Variants in ATF7IP2 observed in about 807,000 individuals in gnomAD.
The protein encoded by ATF7IP2 is activating transcription factor 7 interacting protein 2.
In ATF7IP2, 42 loss-of-function variants were observed where a neutral mutation model predicts 64.2. The ratio of observed to expected loss-of-function variants is 0.65; its 90% CI spans 0.51 to 0.85. The LOEUF (loss-of-function observed/expected upper bound fraction) is 0.85. Among genes scored for constraint, ATF7IP2 ranks in the 40% least tolerant of loss-of-function variants. The pLI is 0.00. For missense variants in ATF7IP2, 933 were observed against 784.2 expected (o/e 1.19, Z -2.27); for synonymous variants, 308 against 272.8 (o/e 1.13, Z -1.27).
intron 1 of ATF7IP2, among the ~76,000 whole-genome samples, chr16:10,400,497 G>T (rs1428396356): frequency 1.3e-5 from 2 of 152,160 alleles, no homozygotes; most frequent in African/African-American, 4.8e-5. Flanking sequence ...TTGCTTGATT[G>T]CTGTGGCCTC....
At chr16:10,398,644 A>C (rs2047467191) in intron 1 of ATF7IP2, among the ~76,000 whole-genome samples, 1 of 152,190 alleles carries the variant, frequency 6.6e-6, no homozygotes, top group Non-Finnish European at 1.5e-5. Context: ...ACATGAATAA[A>C]CCTGAACATT....
At chr16:10,424,187 C>T (rs1041800247) in intron 3 of ATF7IP2, among the ~76,000 whole-genome samples, 11 of 152,308 alleles carry the variant, frequency 7.2e-5, no homozygotes, top group Admixed American at 2.0e-4. Context: ...CCTGGGTGGG[C>T]GAGGTGTTCC....
At chr16:10,474,298 T>C (rs1016112793) in intron 12 of ATF7IP2, among the ~76,000 whole-genome samples, 18 of 151,792 alleles carry the variant, frequency 1.2e-4, no homozygotes, top group Admixed American at 3.3e-4. Flanking sequence ...CCTTCGGAGA[T>C]TGACTTCTTC....
chr16:10,459,430 T>C (rs2049296491), intron 9 of ATF7IP2, among the ~76,000 whole-genome samples: 1 of 149,234 alleles, frequency 6.7e-6, no homozygotes, highest in South Asian at 2.1e-4. Flanking sequence ...ATCACACCAC[T>C]GTGCTCCAGC....
chr16:10,431,432 C>A lies in ATF7IP2; in HGVS notation c.812C>A (p.Ser271Ter). ...NCESADSTWQ[S>*]SLDTNNNSHY... ...GAAAGTGCAGACTCAACATGGCAGT[C>A]ATCACTTGACACTAATAACAACAGT... The change falls in exon 5 of 14, where the codon TCA becomes TAA. Residue 271 changes from serine (S) to a stop codon, truncating the protein, a stop_gained. Coordinates refer to ENST00000562102, the MANE Select transcript of ATF7IP2 (RefSeq NM_001393719.1). LOFTEE classifies it high-confidence loss of function. The A allele has an allele frequency of 6.2e-7, 1 of 1,600,604 alleles. No individual in the cohort carries two copies. The highest frequency in any genetic ancestry group is 1.1e-5 in the South Asian group (1 of 89,908).
At chr16:10,416,298 A>G (rs1413429824) in intron 2 of ATF7IP2, among the ~76,000 whole-genome samples, 3 of 152,248 alleles carry the variant, frequency 2.0e-5, no homozygotes, top group Non-Finnish European at 4.4e-5. Context: ...GTCATTTGCA[A>G]CAATGTGGAT....
intron 3 of ATF7IP2, among the ~76,000 whole-genome samples, chr16:10,422,968 G>A (rs1017475949): frequency 6.6e-6 from 1 of 152,224 alleles, no homozygotes; most frequent in South Asian, 2.1e-4. Context: ...CTAGAGGCCA[G>A]GTGCAGTGGC....
At chr16:10,400,646 G>A (rs974075739) in intron 1 of ATF7IP2, among the ~76,000 whole-genome samples, 27 of 152,038 alleles carry the variant, frequency 1.8e-4, no homozygotes, top group African/African-American at 6.3e-4. Context: ...TGGCCTTATG[G>A]CCTTTATTAT....
chr16:10,476,195 C>G (rs1234899534), intron 12 of ATF7IP2, among the ~76,000 whole-genome samples: 1 of 152,078 alleles, frequency 6.6e-6, no homozygotes, highest in Non-Finnish European at 1.5e-5. Context: ...AACAGACTCT[C>G]TAAAATAATA....
At chr16:10,425,091 T>C (rs1363400374) in intron 3 of ATF7IP2, among the ~76,000 whole-genome samples, 1 of 146,344 alleles carries the variant, frequency 6.8e-6, no homozygotes, top group African/African-American at 2.5e-5. Context: ...AGAGTTTCAC[T>C]CCTGTTGACC....
chr16:10,475,075 C>T (rs1031355247), intron 12 of ATF7IP2, among the ~76,000 whole-genome samples: 20 of 151,940 alleles, frequency 1.3e-4, no homozygotes, highest in Non-Finnish European at 2.2e-4. Context: ...AAATTTGTTG[C>T]CAGCAGACCT....
At chr16:10,426,251 T>C (rs1198065537) in intron 3 of ATF7IP2, among the ~76,000 whole-genome samples, 3 of 152,220 alleles carry the variant, frequency 2.0e-5, no homozygotes, top group Non-Finnish European at 4.4e-5. Context: ...ATAATTCAAA[T>C]TGGCTAAAGA....
intron 9 of ATF7IP2, among the ~76,000 whole-genome samples, chr16:10,461,943 C>T (rs779797652): frequency 2.0e-5 from 3 of 152,178 alleles, no homozygotes; most frequent in East Asian, 1.9e-4. Flanking sequence ...TACAATCTTA[C>T]TACCTGTTTT....
intron 9 of ATF7IP2, among the ~76,000 whole-genome samples, chr16:10,465,817 A>G (rs1387165096): frequency 6.6e-6 from 1 of 152,024 alleles, no homozygotes; most frequent in Non-Finnish European, 1.5e-5. Context: ...ATTAAAATCT[A>G]GTGGAATTCC....
chr16:10,434,950 T>C (rs1567457682), intron 6 of ATF7IP2, among the ~76,000 whole-genome samples: 1 of 152,170 alleles, frequency 6.6e-6, no homozygotes, highest in East Asian at 1.9e-4. Flanking sequence ...TGTGTATTTT[T>C]AGTAGAGACA....
At chr16:10,431,981 G>T (rs1307430762) in intron 5 of ATF7IP2, among the ~76,000 whole-genome samples, 2 of 140,952 alleles carry the variant, frequency 1.4e-5, no homozygotes, top group Admixed American at 7.3e-5. Flanking sequence ...GCACCACTAC[G>T]CCCGGCTAAT....
intron 1 of ATF7IP2, among the ~76,000 whole-genome samples, chr16:10,412,035 T>TTTTTTTTTTTTTTTTTTTTTTTTTTG (rs1197951869): frequency 6.8e-6 from 1 of 146,672 alleles, no homozygotes; most frequent in Non-Finnish European, 1.5e-5. Flanking sequence ...TTTTTTTTTT[T>TTTTTTTTTTTTTTTTTTTTTTTTTTG]TTTTACACTT....
chr16:10,481,169 TGAAC>T (rs2050209236), intron 13 of ATF7IP2, among the ~76,000 whole-genome samples: 1 of 152,226 alleles, frequency 6.6e-6, no homozygotes. Context: ...CTTTTTTTAT[TGAAC>T]AAATTGGAAA....
chr16:10,464,285 C>A (rs933495231), intron 9 of ATF7IP2, among the ~76,000 whole-genome samples: 5 of 152,020 alleles, frequency 3.3e-5, no homozygotes, highest in African/African-American at 9.7e-5. Flanking sequence ...AATAAAGGAA[C>A]CCTTACAAAG....
Sources: allele counts gnomAD v4.1 joint callset (sites outside exome capture counted in the v4.1 genomes callset), GRCh38; gene constraint gnomAD v4.1.1; transcripts MANE v1.5; gene names NCBI Gene and HGNC (gene_info 2026-07-23, HGNC 2026-07-21).